CNTN4: variants seen among roughly 807,000 people sequenced by gnomAD.
The protein encoded by CNTN4 is contactin-4.
A neutral mutation model predicts 122.5 loss-of-function variants in CNTN4; 77 were observed. That is an observed-to-expected ratio of 0.63 (90% confidence interval 0.52 to 0.76). The LOEUF is 0.76. Ranked by LOEUF, CNTN4 falls within the 30% of genes least tolerant of loss-of-function variation. The pLI, the probability that CNTN4 is intolerant of heterozygous loss-of-function variation, is 0.00. For missense variants in CNTN4, 1,256 were observed against 1,259.1 expected (o/e 1.00, Z 0.04); for synonymous variants, 512 against 447.0 (o/e 1.15, Z -1.83).
chr3:2,740,038 T>A (rs1189337291), intron 5 of CNTN4, among the ~76,000 whole-genome samples: 2 of 152,160 alleles, frequency 1.3e-5, no homozygotes, highest in South Asian at 2.1e-4. Flanking sequence ...ACCTTTTTTT[T>A]TCCCCCAAGT....
chr3:3,019,522 T>C (rs1462909249), intron 14 of CNTN4, among the ~76,000 whole-genome samples: 2 of 151,900 alleles, frequency 1.3e-5, no homozygotes. Context: ...CTGGAACTCC[T>C]GGCCTCAAGT....
At chr3:2,961,582 T>C (rs763278492) in intron 13 of CNTN4, among the ~76,000 whole-genome samples, 8 of 152,190 alleles carry the variant, frequency 5.3e-5, no homozygotes, top group African/African-American at 9.6e-5. Context: ...CTGCCTGTTA[T>C]ATCAAATGTT....
At chr3:2,575,806 CTTCTT>C (rs1282626914) in intron 4 of CNTN4, among the ~76,000 whole-genome samples, 144 of 106,638 alleles carry the variant, frequency 1.4e-3, no homozygotes, top group East Asian at 6.7e-3. Flanking sequence ...CTTTCTTCTT[CTTCTT>C]TTTTTTTTTT....
chr3:2,244,217 A>G (rs1455229092), intron 2 of CNTN4, among the ~76,000 whole-genome samples: 1 of 149,066 alleles, frequency 6.7e-6, no homozygotes, highest in African/African-American at 2.4e-5. Context: ...TGTAATAAAA[A>G]AAATCTATGT....
intron 4 of CNTN4, among the ~76,000 whole-genome samples, chr3:2,640,907 T>C (rs764766803): frequency 6.6e-6 from 1 of 152,128 alleles, no homozygotes; most frequent in Non-Finnish European, 1.5e-5. Context: ...CACTTTTCTC[T>C]CTGAAGGAGG....
At position 2,235,650 on chromosome 3, in the gene CNTN4, C is replaced by T. The variant is rs1036126666; in HGVS notation, c.-144-103528C>T. On this transcript the variant is annotated intron_variant, in intron 2 of 24. Coordinates refer to ENST00000418658, the MANE Select transcript of CNTN4 (RefSeq NM_175607.3). ...TGTATTTTGATTAATGGTTACTATG[C>T]CAACTAGAGAACTAGATTTCAGTAA... 2.0e-5 allele frequency among the ~76,000 whole-genome samples: 3 copies of T among 151,842 alleles called. No homozygotes were observed. In the East Asian group the frequency reaches 5.8e-4, roughly 29 times the overall value.
intron 3 of CNTN4, among the ~76,000 whole-genome samples, chr3:2,352,008 C>T (rs2044645499): frequency 6.6e-6 from 1 of 152,142 alleles, no homozygotes; most frequent in African/African-American, 2.4e-5. Flanking sequence ...TTAATTAGCT[C>T]AGTTTAATCA....
intron 13 of CNTN4, among the ~76,000 whole-genome samples, chr3:2,972,758 C>T (rs1276559521): frequency 6.6e-6 from 1 of 152,034 alleles, no homozygotes; most frequent in Non-Finnish European, 1.5e-5. Flanking sequence ...CAGATATTAT[C>T]CTCTTCTTTG....
intron 6 of CNTN4, among the ~76,000 whole-genome samples, chr3:2,779,416 C>G (rs2091481656): frequency 6.6e-6 from 1 of 152,122 alleles, no homozygotes; most frequent in Admixed American, 6.5e-5. Flanking sequence ...CCAGGCTGGT[C>G]TTGAATTCCT....
chr3:2,393,471 T>C (rs939626822), intron 3 of CNTN4, among the ~76,000 whole-genome samples: 3 of 152,164 alleles, frequency 2.0e-5, no homozygotes, highest in African/African-American at 7.2e-5. Context: ...TTTAGTACAT[T>C]TCTGTTTTTT....
At chr3:2,800,978 C>T (rs1350099318) in intron 6 of CNTN4, among the ~76,000 whole-genome samples, 1 of 152,214 alleles carries the variant, frequency 6.6e-6, no homozygotes, top group East Asian at 1.9e-4. Flanking sequence ...CCTTCCTACT[C>T]CCAGCTCTCT....
At chr3:2,867,025 C>A in intron 8 of CNTN4, 76 bp downstream of exon 8, 1 of 1,281,114 alleles carries the variant, frequency 7.8e-7, no homozygotes. Context: ...ATGTTGTTGG[C>A]ACATGAAGCT....
At chr3:2,863,631 T>C (rs961013576) in intron 7 of CNTN4, among the ~76,000 whole-genome samples, 1 of 152,112 alleles carries the variant, frequency 6.6e-6, no homozygotes, top group Non-Finnish European at 1.5e-5. Context: ...TATTGTTTTT[T>C]GAATTGAACT....
At chr3:2,903,721 A>G (rs527482829) in intron 12 of CNTN4, among the ~76,000 whole-genome samples, 2 of 152,172 alleles carry the variant, frequency 1.3e-5, no homozygotes, top group African/African-American at 4.8e-5. Flanking sequence ...TCCTTTATGA[A>G]AGATGCCACA....
intron 2 of CNTN4, among the ~76,000 whole-genome samples, chr3:2,275,936 A>G (rs67004287): frequency 2.4e-5 from 1 of 40,936 alleles, no homozygotes; most frequent in Non-Finnish European, 6.2e-5. Context: ...AAAAAAAAAA[A>G]ACAAAAAAAA....
At chr3:2,999,430 A>G (rs1484946231) in intron 14 of CNTN4, among the ~76,000 whole-genome samples, 1 of 152,184 alleles carries the variant, frequency 6.6e-6, no homozygotes, top group African/African-American at 2.4e-5. Flanking sequence ...TTGTGCTGCT[A>G]TAATAAAATA....
At chr3:2,115,830 T>C (rs2033310889) in intron 2 of CNTN4, among the ~76,000 whole-genome samples, 1 of 152,216 alleles carries the variant, frequency 6.6e-6, no homozygotes, top group Non-Finnish European at 1.5e-5. Flanking sequence ...GATCAACACC[T>C]AAAAAGTCCT....
intron 3 of CNTN4, among the ~76,000 whole-genome samples, chr3:2,485,954 G>C (rs1194320718): frequency 6.6e-6 from 1 of 152,156 alleles, no homozygotes; most frequent in Non-Finnish European, 1.5e-5. Context: ...AACCCGCGCA[G>C]GTGCCCTTCC....
At chr3:2,192,245 A>G (rs556539538) in intron 2 of CNTN4, among the ~76,000 whole-genome samples, 2 of 152,302 alleles carry the variant, frequency 1.3e-5, no homozygotes, top group African/African-American at 4.8e-5. Context: ...GTGTATACCC[A>G]TTAATGGGAT....
Sources: allele counts gnomAD v4.1 joint callset (sites outside exome capture counted in the v4.1 genomes callset), GRCh38; gene constraint gnomAD v4.1.1; transcripts MANE v1.5; gene names NCBI Gene and HGNC (gene_info 2026-07-23, HGNC 2026-07-21).